LAMC1: variants seen among roughly 807,000 people sequenced by gnomAD.
LAMC1 encodes the protein laminin subunit gamma 1.
LAMC1 carries 38 observed loss-of-function variants against 173.6 expected under a neutral mutation model. The ratio of observed to expected loss-of-function variants is 0.22; its 90% CI spans 0.17 to 0.29. The LOEUF (loss-of-function observed/expected upper bound fraction) is 0.29, where lower values mean the gene tolerates loss of function less well. Among genes scored for constraint, LAMC1 ranks in the 10% least tolerant of loss-of-function variants. The pLI is 1.00. For missense variants in LAMC1, 1,824 were observed against 2,051.8 expected (o/e 0.89, Z 2.14); for synonymous variants, 746 against 749.1 (o/e 1.00, Z 0.07).
At chr1:183,037,376 A>G (rs984621712) in intron 1 of LAMC1, among the ~76,000 whole-genome samples, 1 of 152,182 alleles carries the variant, frequency 6.6e-6, no homozygotes, top group Non-Finnish European at 1.5e-5. Flanking sequence ...ATCTGACATT[A>G]TTAAAGATAA....
intron 2 of LAMC1, among the ~76,000 whole-genome samples, chr1:183,105,792 A>G (rs1655964166): frequency 6.6e-6 from 1 of 152,188 alleles, no homozygotes; most frequent in South Asian, 2.1e-4. Context: ...TCTGACAATG[A>G]GAGAGAACTC....
intron 1 of LAMC1, among the ~76,000 whole-genome samples, chr1:183,024,408 G>C (rs543172994): frequency 6.6e-6 from 1 of 152,212 alleles, no homozygotes; most frequent in South Asian, 2.1e-4. Flanking sequence ...TCTGCATTTC[G>C]GCTGTTAGGA....
chr1:183,045,315 A>C (rs1654239392), intron 1 of LAMC1, among the ~76,000 whole-genome samples: 1 of 152,054 alleles, frequency 6.6e-6, no homozygotes, highest in Non-Finnish European at 1.5e-5. Context: ...AACTCTAGGG[A>C]CATTTCTTCC....
Position 183,133,471 on chromosome 1 carries a change from C to G in LAMC1, c.3770C>G (p.Ala1257Gly), listed in dbSNP as rs375670220. Residue 1257 changes from alanine (A) to glycine (G), a missense_variant, in exon 22 of 28, where the codon GCC becomes GGC. Transcript: ENST00000258341. ...EKQAARVHEE[A>G]KRAGDKAVEI... ...CAAGCTGCCCGAGTACATGAGGAGG[C>G]CAAAAGGGCCGGTGACAAAGCTGTG... is the stretch of plus-strand genomic sequence containing the variant. The G allele has an allele frequency of 3.1e-6, 5 of 1,613,920 alleles. No individual in the cohort carries two copies. The African/African-American group carries it at 6.7e-5, about 22-fold the overall frequency.
At chr1:183,105,657 A>C (rs1330424762) in intron 2 of LAMC1, among the ~76,000 whole-genome samples, 2 of 152,154 alleles carry the variant, frequency 1.3e-5, no homozygotes. Context: ...TGCTGTGGGC[A>C]TCTGCATAGA....
intron 1 of LAMC1, among the ~76,000 whole-genome samples, chr1:183,049,455 G>GT (rs896763207): frequency 8.8e-6 from 1 of 113,170 alleles, no homozygotes; most frequent in Admixed American, 1.0e-4. Flanking sequence ...TGAATTTAAG[G>GT]TTTTTTTGTT....
chr1:183,115,580 G>C lies in LAMC1; in HGVS notation c.1271G>C (p.Gly424Ala), dbSNP rs1489421980. 6.2e-7 allele frequency: 1 copy of C among 1,614,144 alleles called. No homozygotes were observed. Among genetic ancestry groups the C allele is most frequent in the Non-Finnish European group, 8.5e-7 (1 of 1,180,010 alleles). The stretch of plus-strand genomic sequence containing the variant: ...TGCAGCTGTAAGCCAGGAGTGATGG[G>C]GGACAAATGTGACCGTTGCCAGCCT... ...GRCSCKPGVMGDKCDRCQPGF... is the reference protein window; with the variant it reads ...GRCSCKPGVMADKCDRCQPGF... The change falls in exon 6 of 28, where the codon GGG becomes GCG. Residue 424 changes from glycine to alanine, a missense_variant. Physicochemically the swap from Gly to Ala is moderately conservative, Grantham distance 60. Coordinates refer to ENST00000258341, the MANE Select transcript of LAMC1 (RefSeq NM_002293.4).
At chr1:183,031,113 C>T (rs751052582) in intron 1 of LAMC1, among the ~76,000 whole-genome samples, 21 of 152,152 alleles carry the variant, frequency 1.4e-4, no homozygotes, top group Non-Finnish European at 2.6e-4. Flanking sequence ...TTGTATATAG[C>T]ATCCTTTTAA....
intron 1 of LAMC1, among the ~76,000 whole-genome samples, chr1:183,093,818 A>C (rs1423862480): frequency 1.3e-5 from 2 of 152,176 alleles, no homozygotes; most frequent in Admixed American, 6.5e-5. Flanking sequence ...CCAGTTCATC[A>C]GTAAAAGTGG....
In LAMC1 at chr1:183,124,785, C is replaced by T. The variant is rs2102094642; in HGVS notation, c.2556C>T (p.Cys852=). 2 of 1,614,122 alleles carry T rather than the reference C, an allele frequency of 1.2e-6. No individual in the cohort carries two copies. Among genetic ancestry groups the T allele is most frequent in the East Asian group, 2.2e-5 (1 of 44,884 alleles). ...GCTTGACGGGAGAATGCCTGAAGTG[C>T]ATCTATAACACTGCTGGCTTCTATT... ...CNRLTGECLK[C]IYNTAGFYCD... Residue 852 remains cysteine (C), a synonymous_variant, in exon 14 of 28, where the codon TGC becomes TGT. Coordinates refer to ENST00000258341, the MANE Select transcript of LAMC1 (RefSeq NM_002293.4).
chr1:183,030,903 C>G (rs1015714939), intron 1 of LAMC1, among the ~76,000 whole-genome samples: 6 of 152,042 alleles, frequency 3.9e-5, no homozygotes, highest in Non-Finnish European at 5.9e-5. Flanking sequence ...AGGGATCATT[C>G]GAGCTAAGAA....
At chr1:183,117,748 G>T (rs1027453705) in intron 10 of LAMC1, 25 bp downstream of exon 10, 2 of 1,581,066 alleles carry the variant, frequency 1.3e-6, no homozygotes, top group Admixed American at 3.4e-5. Context: ...TTTGTAAAGT[G>T]AGACTTGACG....
intron 1 of LAMC1, among the ~76,000 whole-genome samples, chr1:183,087,110 CAT>C (rs1655450013): frequency 6.6e-6 from 1 of 152,158 alleles, no homozygotes; most frequent in South Asian, 2.1e-4. Context: ...TCTCATCTGT[CAT>C]ATGGAATTCC....
intron 1 of LAMC1, among the ~76,000 whole-genome samples, chr1:183,025,046 A>G (rs1337245982): frequency 6.6e-6 from 1 of 152,264 alleles, no homozygotes; most frequent in Non-Finnish European, 1.5e-5. Flanking sequence ...ATTGTGTTTA[A>G]CAGAGGAATC....
chr1:183,124,644 G>A lies in LAMC1; in HGVS notation c.2415G>A (p.Glu805=). ...TCTCATCCCCAGGTAAGAGATGTGAGCTCTGTGATGATGGCTACTTTGGAG... is the reference window on the plus strand; with the variant it reads ...TCTCATCCCCAGGTAAGAGATGTGAACTCTGTGATGATGGCTACTTTGGAG... The part of the protein sequence containing the change: ...CPTGTTGKRC[E]LCDDGYFGDP... Residue 805 remains glutamate, a synonymous_variant, in exon 14 of 28, where the codon GAG becomes GAA. Transcript: ENST00000258341. 6.2e-7 allele frequency: 1 copy of A among 1,614,202 alleles called. No individual in the cohort carries two copies. Among genetic ancestry groups the A allele is most frequent in the Non-Finnish European group, 8.5e-7 (1 of 1,180,026 alleles).
Position 183,097,037 on chromosome 1 carries a change from A to G in LAMC1, c.419-6291A>G, listed in dbSNP as rs565262829. The stretch of plus-strand genomic sequence containing the variant: ...TCTGCTTGAGGATCCCACAGTCAGT[A>G]TTAAGTTGGCCTTGGGTCGTCTTAA... On this transcript the variant is annotated intron_variant, in intron 1 of 27. Coordinates refer to ENST00000258341, the MANE Select transcript of LAMC1 (RefSeq NM_002293.4). Among the ~76,000 whole-genome samples, 15 of 152,274 alleles carry G rather than the reference A, an allele frequency of 9.9e-5. No individual in the cohort carries two copies. The South Asian group carries it at 2.3e-3, about 23-fold the overall frequency.
At chr1:183,101,398 G>A (rs972455810) in intron 1 of LAMC1, among the ~76,000 whole-genome samples, 21 of 151,230 alleles carry the variant, frequency 1.4e-4, no homozygotes, top group African/African-American at 4.6e-4. Flanking sequence ...AACAGAAAGT[G>A]TGTAAACTGT....
intron 1 of LAMC1, among the ~76,000 whole-genome samples, chr1:183,036,675 G>A (rs942423220): frequency 4.6e-5 from 7 of 152,194 alleles, no homozygotes; most frequent in Non-Finnish European, 1.0e-4. Context: ...ACAGACGTGA[G>A]CCACTGCGCA....
In LAMC1 at chr1:183,125,408, A is replaced by C. The variant is rs1353151333; in HGVS notation, c.2659A>C (p.Asn887His). 6.2e-7 allele frequency: 1 copy of C among 1,613,994 alleles called. No homozygotes were observed. The highest frequency in any genetic ancestry group is 8.5e-7 in the Non-Finnish European group (1 of 1,180,016). The change falls in exon 15 of 28, where the codon AAT (asparagine) becomes CAT (histidine). Residue 887 changes from asparagine to histidine, a missense_variant. Transcript: ENST00000258341. ...TCTTCCTGCCTTAGCCTGCAATTGCAATCTGTATGGGACCATGAAGCAGCA... is the reference window on the plus strand; with the variant it reads ...TCTTCCTGCCTTAGCCTGCAATTGCCATCTGTATGGGACCATGAAGCAGCA... Reference protein sequence around the residue: ...PADKCKACNCNLYGTMKQQSS... With the variant: ...PADKCKACNCHLYGTMKQQSS...
Sources: gnomAD v4.1 joint callset for allele counts (sites outside exome capture counted in the v4.1 genomes callset) on GRCh38, gnomAD v4.1.1 for gene constraint, MANE v1.5 for transcripts, NCBI Gene and HGNC (gene_info 2026-07-23, HGNC 2026-07-21) for gene names.